Variants in CTNNA3 observed in about 807,000 individuals in gnomAD.
CTNNA3 encodes the protein catenin alpha-3.
In CTNNA3, 76 loss-of-function variants were observed where a neutral mutation model predicts 95.7. The observed-to-expected ratio is 0.79, with a 90% CI of 0.66 to 0.96. The LOEUF is 0.96. CTNNA3 is among the 40% of genes least tolerant of loss of function. The pLI is 0.00. For synonymous variants in CTNNA3, 431 were observed against 374.4 expected, an observed-to-expected ratio of 1.15 and a Z score of -1.74; for missense variants, 1,191 against 1,089.8, an observed-to-expected ratio of 1.09 and a Z score of -1.31.
chr10:67,500,565 C>A (rs1400807306), intron 5 of CTNNA3, among the ~76,000 whole-genome samples: 1 of 152,180 alleles, frequency 6.6e-6, no homozygotes, highest in African/African-American at 2.4e-5. Flanking sequence ...GAGTCTAAGT[C>A]TCTTTGTAGG....
chr10:66,891,159 C>G (rs748529385), intron 7 of CTNNA3, among the ~76,000 whole-genome samples: 58 of 152,078 alleles, frequency 3.8e-4, no homozygotes, highest in Admixed American at 3.8e-3. Context: ...TCTATTTGAG[C>G]TTTTATTTCA....
chr10:67,027,436 CTT>C (rs5785811), intron 7 of CTNNA3, among the ~76,000 whole-genome samples: 12 of 134,328 alleles, frequency 8.9e-5, no homozygotes, highest in African/African-American at 1.4e-4. Flanking sequence ...TCTTTCATGA[CTT>C]TTTTTTTTTT....
chr10:66,385,235 G>T (rs1253199611), intron 11 of CTNNA3, among the ~76,000 whole-genome samples: 1 of 151,872 alleles, frequency 6.6e-6, no homozygotes, highest in African/African-American at 2.4e-5. Context: ...TCAAATGAAC[G>T]CAATAAAAAT....
Position 66,606,491 on chromosome 10 carries a change from C to T in CTNNA3, c.1374+15201G>A, listed in dbSNP as rs143185478. Reference sequence around the variant, plus strand: ...TCTTCTCATCACCACATGGCACATACCCTGAAATAAATCATACAATCAGAC... The same window carrying T: ...TCTTCTCATCACCACATGGCACATATCCTGAAATAAATCATACAATCAGAC... On this transcript the variant is annotated intron_variant, in intron 10 of 17. Coordinates refer to ENST00000433211, the MANE Select transcript of CTNNA3 (RefSeq NM_013266.4). Among the ~76,000 whole-genome samples the T allele has an allele frequency of 5.4e-3, 817 of 152,176 alleles. 21 individuals are homozygous for T. The highest frequency in any genetic ancestry group is 0.038 in the Admixed American group (584 of 15,284).
intron 7 of CTNNA3, among the ~76,000 whole-genome samples, chr10:66,790,153 A>T (rs1300457704): frequency 6.6e-6 from 1 of 152,190 alleles, no homozygotes; most frequent in Non-Finnish European, 1.5e-5. Flanking sequence ...CTAACAGATA[A>T]AAATATTATT....
intron 7 of CTNNA3, among the ~76,000 whole-genome samples, chr10:66,981,576 A>T (rs1408383829): frequency 6.6e-6 from 1 of 152,138 alleles, no homozygotes; most frequent in Non-Finnish European, 1.5e-5. Flanking sequence ...TTCCTTCTGT[A>T]GCTAAATCTA....
At chr10:66,586,380 T>C (rs1296750271) in intron 10 of CTNNA3, among the ~76,000 whole-genome samples, 1 of 151,998 alleles carries the variant, frequency 6.6e-6, no homozygotes, top group East Asian at 1.9e-4. Context: ...ACTGAGGTCT[T>C]TTCATGGGGA....
intron 10 of CTNNA3, among the ~76,000 whole-genome samples, chr10:66,539,165 C>T (rs761023628): frequency 2.0e-5 from 3 of 152,016 alleles, no homozygotes; most frequent in Non-Finnish European, 4.4e-5. Flanking sequence ...CTATAGTGTA[C>T]ATCCGGAAAA....
intron 12 of CTNNA3, among the ~76,000 whole-genome samples, chr10:66,357,697 T>C (rs2092621730): frequency 6.6e-6 from 1 of 152,204 alleles, no homozygotes; most frequent in Admixed American, 6.5e-5. Context: ...CTTTATTATA[T>C]AGTATGTATC....
Position 67,370,972 on chromosome 10 carries a change from T to G in CTNNA3, c.579+150870A>C, listed in dbSNP as rs112514787. Among the ~76,000 whole-genome samples, 121 of 148,540 alleles carry G rather than the reference T, an allele frequency of 8.1e-4. 1 individual carries two copies. Among genetic ancestry groups the G allele is most frequent in the African/African-American group, 2.8e-3 (116 of 41,036 alleles). ...AGCTGCGCCTCCCGGGTTCACGCCA[T>G]TCTCCTGCCTCAGCCTCCCAAGTAG... On this transcript the variant is annotated intron_variant, in intron 5 of 17. Coordinates refer to ENST00000433211, the MANE Select transcript of CTNNA3 (RefSeq NM_013266.4).
chr10:66,850,347 T>C (rs1420620366), intron 7 of CTNNA3, among the ~76,000 whole-genome samples: 1 of 152,178 alleles, frequency 6.6e-6, no homozygotes, highest in Non-Finnish European at 1.5e-5. Context: ...ATGGGACACA[T>C]AAGATTGTGA....
intron 10 of CTNNA3, among the ~76,000 whole-genome samples, chr10:66,584,015 T>C (rs1843280722): frequency 6.6e-6 from 1 of 151,904 alleles, no homozygotes; most frequent in African/African-American, 2.4e-5. Flanking sequence ...AATCGATTCC[T>C]AGTTTTATTT....
intron 5 of CTNNA3, among the ~76,000 whole-genome samples, chr10:67,500,036 T>A (rs1251777686): frequency 6.6e-6 from 1 of 151,882 alleles, no homozygotes; most frequent in African/African-American, 2.4e-5. Flanking sequence ...GGTGTCAATT[T>A]TAGATCTTTC....
At chr10:66,204,646 T>C (rs1467115199) in intron 13 of CTNNA3, among the ~76,000 whole-genome samples, 7 of 152,172 alleles carry the variant, frequency 4.6e-5, no homozygotes, top group African/African-American at 7.2e-5. Context: ...GACCCAAAGG[T>C]GACCACTTCC....
At chr10:67,149,064 G>A (rs538579191) in intron 7 of CTNNA3, among the ~76,000 whole-genome samples, 6 of 152,154 alleles carry the variant, frequency 3.9e-5, no homozygotes, top group Non-Finnish European at 7.4e-5. Flanking sequence ...GGCAAGAAAA[G>A]CAGGGGCCTG....
At chr10:66,157,892 T>C (rs567827110) in intron 13 of CTNNA3, among the ~76,000 whole-genome samples, 4 of 152,252 alleles carry the variant, frequency 2.6e-5, no homozygotes, top group African/African-American at 9.6e-5. Context: ...GTGGTTTTGA[T>C]TTGCATTTTC....
At position 66,532,426 on chromosome 10, in the gene CTNNA3, T is replaced by C. The variant is rs182413421; in HGVS notation, c.1375-11653A>G. On this transcript the variant is annotated intron_variant, in intron 10 of 17. Coordinates refer to ENST00000433211, the MANE Select transcript of CTNNA3 (RefSeq NM_013266.4). ...GCAGTGAGCTGAGATCGCGCCACTG[T>C]ACTCCAGCCTGGGTGACAGAGCGAG... Among the ~76,000 whole-genome samples the C allele has an allele frequency of 7.8e-3, 1,182 of 150,740 alleles. 61 individuals carry two copies. The highest frequency in any genetic ancestry group is 1.2e-3 in the Non-Finnish European group (84 of 67,822).
At chr10:66,990,461 A>G (rs1294102360) in intron 7 of CTNNA3, among the ~76,000 whole-genome samples, 1 of 152,210 alleles carries the variant, frequency 6.6e-6, no homozygotes, top group Non-Finnish European at 1.5e-5. Flanking sequence ...TCACCATATT[A>G]TTCCAGGGAT....
chr10:66,677,824 A>G (rs893642514), intron 9 of CTNNA3, among the ~76,000 whole-genome samples: 2 of 152,166 alleles, frequency 1.3e-5, no homozygotes, highest in African/African-American at 4.8e-5. Flanking sequence ...GTGTGAGAAT[A>G]GACTAATACA....
Sources: gnomAD v4.1 joint callset for allele counts (sites outside exome capture counted in the v4.1 genomes callset) on GRCh38, gnomAD v4.1.1 for gene constraint, MANE v1.5 for transcripts, NCBI Gene and HGNC (gene_info 2026-07-23, HGNC 2026-07-21) for gene names.